ANO1: variants seen among roughly 807,000 people sequenced by gnomAD.
ANO1 encodes anoctamin-1.
A neutral mutation model predicts 124.0 loss-of-function variants in ANO1; 59 were observed. The observed-to-expected ratio is 0.48, with a 90% CI of 0.39 to 0.59. The LOEUF (loss-of-function observed/expected upper bound fraction) is 0.59. Ranked by LOEUF, ANO1 falls within the 20% of genes least tolerant of loss-of-function variation. The pLI is 0.00. For synonymous variants in ANO1, 529 were observed against 532.0 expected (o/e 0.99, Z 0.08); for missense variants, 1,059 against 1,328.0 (o/e 0.80, Z 3.15).
In ANO1 at chr11:70,104,127, C is replaced by T. The variant is rs774043677; in HGVS notation, c.669C>T (p.Pro223=). The T allele has an allele frequency of 6.2e-7, 1 of 1,612,872 alleles. No individual in the cohort carries two copies. Among genetic ancestry groups the T allele is most frequent in the Non-Finnish European group, 8.5e-7 (1 of 1,179,518 alleles). The part of the protein sequence containing the change: ...RPQTMKRLSY[P]FSREKQHLFD... ...AGACCATGAAGAGACTCTCCTATCC[C>T]TTCTCCCGGGAGAAGCAGCATCTGT... The change falls in exon 4 of 26, where the codon CCC becomes CCT. Residue 223 remains proline (P), a synonymous_variant. Coordinates refer to ENST00000355303, the MANE Select transcript of ANO1 (RefSeq NM_018043.7).
At chr11:70,054,244 A>C (rs113793732) in intron 1 of ANO1, among the ~76,000 whole-genome samples, 2 of 152,318 alleles carry the variant, frequency 1.3e-5, no homozygotes, top group African/African-American at 4.8e-5. Context: ...TATTCAGACC[A>C]TGCCTAGATG....
At chr11:70,148,984 G>T (rs915960353) in intron 11 of ANO1, among the ~76,000 whole-genome samples, 1 of 152,236 alleles carries the variant, frequency 6.6e-6, no homozygotes, top group African/African-American at 2.4e-5. Flanking sequence ...TGCTCTGTCT[G>T]TTGGGAATAT....
chr11:70,050,184 G>A (rs762789720), intron 1 of ANO1, among the ~76,000 whole-genome samples: 14 of 152,122 alleles, frequency 9.2e-5, no homozygotes, highest in East Asian at 3.9e-4. Flanking sequence ...TATCCTATTC[G>A]GGGTGCAAGA....
intron 1 of ANO1, among the ~76,000 whole-genome samples, chr11:69,992,559 T>C (rs369213341): frequency 6.6e-6 from 1 of 152,116 alleles, no homozygotes; most frequent in African/African-American, 2.4e-5. Context: ...GAGACTCAGA[T>C]GCTGAGAGAA....
At chr11:69,976,507 T>TAAAAAAAAAAAA in the ANO1 span, among the ~76,000 whole-genome samples, 1 of 74,500 alleles carries the variant, frequency 1.3e-5, no homozygotes, top group Admixed American at 1.6e-4. Flanking sequence ...ACTCCGTCTC[T>TAAAAAAAAAAAA]AAAAAAAAAA....
chr11:69,972,594 G>A, the ANO1 span, among the ~76,000 whole-genome samples: 10,084 of 152,236 alleles, frequency 0.066, 419 homozygotes, highest in African/African-American at 0.11. Flanking sequence ...ACTGGGTTTT[G>A]TTGTTAGTGC....
chr11:69,976,284 C>T, the ANO1 span, among the ~76,000 whole-genome samples: 35 of 152,054 alleles, frequency 2.3e-4, no homozygotes, highest in African/African-American at 7.2e-4. Flanking sequence ...CCAGGGCGGG[C>T]GGATCATGAG....
chr11:70,145,330 G>T (rs2047328073), intron 11 of ANO1, among the ~76,000 whole-genome samples: 1 of 152,138 alleles, frequency 6.6e-6, no homozygotes, highest in Non-Finnish European at 1.5e-5. Context: ...TGGGGTCTGT[G>T]GCCAAGTGGA....
the ANO1 span, among the ~76,000 whole-genome samples, chr11:69,977,999 AG>A: frequency 6.6e-6 from 1 of 152,100 alleles, no homozygotes; most frequent in African/African-American, 2.4e-5. Flanking sequence ...ACACTTGAGG[AG>A]GGTTTCTGAG....
upstream of ANO1, among the ~76,000 whole-genome samples, chr11:70,075,832 A>G (rs2044049993): frequency 6.6e-6 from 1 of 152,224 alleles, no homozygotes; most frequent in Admixed American, 6.5e-5. Flanking sequence ...ACCAGAGAAG[A>G]GAACCATCTA....
chr11:70,159,092 G>C (rs1357225496), intron 16 of ANO1, among the ~76,000 whole-genome samples: 2 of 152,226 alleles, frequency 1.3e-5, no homozygotes, highest in African/African-American at 2.4e-5. Context: ...TCTAGGGCTG[G>C]TCTGGTGGCC....
intron 16 of ANO1, among the ~76,000 whole-genome samples, chr11:70,159,379 A>C (rs1386539321): frequency 6.6e-6 from 1 of 152,208 alleles, no homozygotes; most frequent in Non-Finnish European, 1.5e-5. Context: ...AGGAATGAGC[A>C]CACACTGCCA....
intron 1 of ANO1, among the ~76,000 whole-genome samples, chr11:70,011,230 G>T (rs1856594180): frequency 6.6e-6 from 1 of 152,314 alleles, no homozygotes; most frequent in African/African-American, 2.4e-5. Context: ...GGAGAGCAGG[G>T]TGGAGGAACT....
At chr11:69,972,770 C>T in the ANO1 span, among the ~76,000 whole-genome samples, 6 of 152,172 alleles carry the variant, frequency 3.9e-5, no homozygotes, top group African/African-American at 4.8e-5. Flanking sequence ...AGGGCCTCTG[C>T]GTGGTCGAGA....
intron 1 of ANO1, among the ~76,000 whole-genome samples, chr11:70,066,043 G>T (rs1441591209): frequency 6.6e-6 from 1 of 152,224 alleles, no homozygotes; most frequent in African/African-American, 2.4e-5. Flanking sequence ...CCCGCTGGAA[G>T]GTAAGCTCTG....
Position 70,137,487 on chromosome 11 carries a change from G to A in ANO1, c.1258+5408G>A, listed in dbSNP as rs531319988. The stretch of plus-strand genomic sequence containing the variant: ...TCGCCTTCCTAGAGACCTCAGCACC[G>A]GTCAGATCCCTCCCTGTCTCCCTCT... On this transcript the variant is annotated intron_variant, in intron 11 of 25. Transcript: ENST00000355303. Among the ~76,000 whole-genome samples the A allele has an allele frequency of 7.1e-5, 9 of 127,110 alleles. No individual in the cohort carries two copies. The East Asian group carries it at 7.7e-4, about 11-fold the overall frequency. The allele number at this position is 127,110 out of a possible 152,430, so 83.4% of individuals were successfully genotyped here. A position where few individuals can be genotyped will look rare whatever the true frequency, so the allele number is the denominator to read the frequency against.
At chr11:70,127,766 T>C (rs1283013083) in intron 10 of ANO1, among the ~76,000 whole-genome samples, 1 of 152,150 alleles carries the variant, frequency 6.6e-6, no homozygotes, top group Non-Finnish European at 1.5e-5. Flanking sequence ...TGCTTGCTTT[T>C]GTAGCTGTTT....
intron 22 of ANO1, among the ~76,000 whole-genome samples, chr11:70,172,607 T>C (rs1453343324): frequency 1.3e-5 from 2 of 152,140 alleles, no homozygotes; most frequent in African/African-American, 2.4e-5. Context: ...CAGTGGCTCA[T>C]GCCTGTAATC....
chr11:70,133,878 G>T (rs1057341690), intron 11 of ANO1, among the ~76,000 whole-genome samples: 9 of 152,210 alleles, frequency 5.9e-5, no homozygotes, highest in Admixed American at 5.9e-4. Flanking sequence ...TGCAGCTCCT[G>T]CTCCAGCCTG....
Sources: gnomAD v4.1 joint callset for allele counts (sites outside exome capture counted in the v4.1 genomes callset) on GRCh38, gnomAD v4.1.1 for gene constraint, MANE v1.5 for transcripts, NCBI Gene and HGNC (gene_info 2026-07-23, HGNC 2026-07-21) for gene names.